The following DGKB variants were observed in gnomAD, a reference collection of about 807,000 sequenced individuals.
The protein encoded by DGKB is 90 kDa diacylglycerol kinase.
A neutral mutation model predicts 114.3 loss-of-function variants in DGKB; 67 were observed. The observed-to-expected ratio is 0.59, with a 90% CI of 0.48 to 0.72. The LOEUF (loss-of-function observed/expected upper bound fraction) is 0.72. Ranked by LOEUF, DGKB falls within the 30% of genes least tolerant of loss-of-function variation. The pLI is 0.00. For synonymous variants in DGKB, 398 were observed against 323.1 expected, an observed-to-expected ratio of 1.23 and a Z score of -2.49; for missense variants, 907 against 975.2, an observed-to-expected ratio of 0.93 and a Z score of 0.93.
chr7:14,791,684 T>C (rs1242355292), intron 2 of DGKB, among the ~76,000 whole-genome samples: 1 of 152,168 alleles, frequency 6.6e-6, no homozygotes, highest in Non-Finnish European at 1.5e-5. Context: ...TTAATATAAT[T>C]ATGAAATTTT....
chr7:14,666,432 T>C (rs948526425), intron 13 of DGKB, among the ~76,000 whole-genome samples: 2 of 152,014 alleles, frequency 1.3e-5, no homozygotes, highest in South Asian at 2.1e-4. Context: ...CATTAGGCCA[T>C]ATTCCATATG....
rs148909833 is a variant in DGKB, at chr7:14,758,033, A to G, written c.71-302T>C. 5.6e-4 allele frequency among the ~76,000 whole-genome samples: 85 copies of G among 152,236 alleles called. No individual in the cohort carries two copies. The East Asian group carries it at 0.012, about 21-fold the overall frequency. ...ACGCTATAGATTTTAGTATCTGTAG[A>G]TATTTTTAAGGAGAATTTTCTCTGT... On this transcript the variant is annotated intron_variant, in intron 2 of 25. Coordinates refer to ENST00000402815, the MANE Select transcript of DGKB (RefSeq NM_001350709.2).
intron 13 of DGKB, among the ~76,000 whole-genome samples, chr7:14,643,235 C>T (rs538053081): frequency 9.2e-5 from 14 of 152,232 alleles, no homozygotes; most frequent in Non-Finnish European, 1.9e-4. Context: ...TGGGAGATTC[C>T]CCAGCCATCT....
chr7:14,181,740 A>C (rs538369614), intron 23 of DGKB, among the ~76,000 whole-genome samples: 1 of 152,208 alleles, frequency 6.6e-6, no homozygotes, highest in Non-Finnish European at 1.5e-5. Context: ...ATTTGTGTCT[A>C]TCTAGAGGAA....
intron 23 of DGKB, among the ~76,000 whole-genome samples, chr7:14,190,133 T>C (rs1418867151): frequency 2.6e-5 from 4 of 152,130 alleles, no homozygotes; most frequent in Non-Finnish European, 5.9e-5. Flanking sequence ...TTCTCCAGGA[T>C]GAATCACATA....
chr7:14,746,083 A>G (rs1833242843), intron 4 of DGKB, among the ~76,000 whole-genome samples: 1 of 152,214 alleles, frequency 6.6e-6, no homozygotes, highest in Non-Finnish European at 1.5e-5. Context: ...ATGCTAGCTC[A>G]TGCCTGGCAC....
At chr7:14,364,766 T>A (rs764451100) in intron 21 of DGKB, among the ~76,000 whole-genome samples, 22 of 152,008 alleles carry the variant, frequency 1.4e-4, no homozygotes, top group Non-Finnish European at 2.8e-4. Flanking sequence ...TGACTTTTTA[T>A]TTCCAATAAC....
intron 23 of DGKB, among the ~76,000 whole-genome samples, chr7:14,181,922 C>T (rs1421368714): frequency 6.6e-6 from 1 of 152,092 alleles, no homozygotes. Flanking sequence ...AAAGGTATTT[C>T]AGAGGGAAGA....
chr7:14,574,482 G>T, intron 19 of DGKB, 110 bp from the exon 20 acceptor site: 1 of 872,454 alleles, frequency 1.1e-6, no homozygotes, highest in Non-Finnish European at 1.7e-6. Flanking sequence ...GGTAAATAAT[G>T]ATTTTGAAGC....
At chr7:14,172,213 C>A (rs1367662290) in intron 25 of DGKB, among the ~76,000 whole-genome samples, 2 of 150,094 alleles carry the variant, frequency 1.3e-5, no homozygotes, top group East Asian at 3.9e-4. Flanking sequence ...GTTGGTAAAA[C>A]AGGAAGCCTC....
Position 14,460,675 on chromosome 7 carries a change from T to C in DGKB, c.1835+17486A>G, listed in dbSNP as rs1832951996. Among the ~76,000 whole-genome samples, 3 of 152,130 alleles carry C rather than the reference T, an allele frequency of 2.0e-5. No homozygotes were observed. In the South Asian group the frequency reaches 6.2e-4, roughly 31 times the overall value. On this transcript the variant is annotated intron_variant, in intron 21 of 25. Coordinates refer to ENST00000402815, the MANE Select transcript of DGKB (RefSeq NM_001350709.2). ...ATAATGGGAGACTTGAACACCCCAC[T>C]GTCAATATCAGACAGATCAACAAGA...
chr7:14,665,218 G>A (rs543565862), intron 13 of DGKB, among the ~76,000 whole-genome samples: 4 of 151,944 alleles, frequency 2.6e-5, no homozygotes, highest in East Asian at 1.9e-4. Flanking sequence ...AAGATCGATC[G>A]TGTTCTTGGC....
At chr7:14,759,743 C>T (rs978624302) in intron 2 of DGKB, among the ~76,000 whole-genome samples, 4 of 152,090 alleles carry the variant, frequency 2.6e-5, no homozygotes, top group Non-Finnish European at 5.9e-5. Flanking sequence ...TTTGTATAAA[C>T]ATATAATTCA....
intron 23 of DGKB, among the ~76,000 whole-genome samples, chr7:14,179,544 T>C (rs906073339): frequency 3.9e-5 from 6 of 152,184 alleles, no homozygotes; most frequent in Non-Finnish European, 8.8e-5. Flanking sequence ...GAATCCACTT[T>C]GTACAGAAAG....
intron 23 of DGKB, among the ~76,000 whole-genome samples, chr7:14,279,170 C>T (rs543114049): frequency 2.0e-5 from 3 of 152,318 alleles, no homozygotes; most frequent in East Asian, 1.9e-4. Flanking sequence ...TGCGCTTTTC[C>T]GATGGGCTTA....
chr7:14,432,372 C>T (rs1056073490), intron 21 of DGKB, among the ~76,000 whole-genome samples: 2 of 152,152 alleles, frequency 1.3e-5, no homozygotes, highest in Non-Finnish European at 2.9e-5. Flanking sequence ...TCACTCCCTC[C>T]GTGCAAAACA....
intron 23 of DGKB, among the ~76,000 whole-genome samples, chr7:14,193,420 A>T (rs1784589357): frequency 6.6e-6 from 1 of 152,214 alleles, no homozygotes; most frequent in Admixed American, 6.5e-5. Flanking sequence ...GATTTTTGAC[A>T]AAGATGCCAA....
At chr7:14,905,556 T>C (rs149676689), upstream of DGKB, among the ~76,000 whole-genome samples, 111 of 152,302 alleles carry the variant, frequency 7.3e-4, 1 homozygote, top group East Asian at 0.021. Context: ...ATGAACTTGC[T>C]CTATACTCAT....
Position 14,170,893 on chromosome 7 carries a change from G to A in DGKB, c.2304+5946C>T, listed in dbSNP as rs181729445. Among the ~76,000 whole-genome samples the A allele has an allele frequency of 2.6e-5, 4 of 152,286 alleles. No individual in the cohort carries two copies. The East Asian group carries it at 7.7e-4, about 29-fold the overall frequency. The stretch of plus-strand genomic sequence containing the variant: ...GACACAAACAAAGGCAAAGCAAGCA[G>A]TCAGTGTCCAAGTCAAGGAGGTGCT... On this transcript the variant is annotated intron_variant, in intron 25 of 25. Coordinates refer to ENST00000402815, the MANE Select transcript of DGKB (RefSeq NM_001350709.2).
Sources: gnomAD v4.1 joint callset for allele counts (sites outside exome capture counted in the v4.1 genomes callset) on GRCh38, gnomAD v4.1.1 for gene constraint, MANE v1.5 for transcripts, NCBI Gene and HGNC (gene_info 2026-07-23, HGNC 2026-07-21) for gene names.